ESYT3: variants seen among roughly 807,000 people sequenced by gnomAD.
The protein encoded by ESYT3 is extended synaptotagmin 3.
ESYT3 carries 101 observed loss-of-function variants against 111.5 expected under a neutral mutation model. The observed-to-expected ratio is 0.91, with a 90% CI of 0.77 to 1.07. The LOEUF is 1.07. Among genes scored for constraint, ESYT3 ranks in the 50% least tolerant of loss-of-function variants. The pLI, the probability that ESYT3 is intolerant of heterozygous loss-of-function variation, is 0.00. For synonymous variants in ESYT3, 416 were observed against 446.8 expected (o/e 0.93, Z 0.87); for missense variants, 1,097 against 1,109.4 (o/e 0.99, Z 0.16).
At chr3:138,455,081 G>A in intron 2 of ESYT3, 113 bp from the exon 3 acceptor site, 2 of 1,272,118 alleles carry the variant, frequency 1.6e-6, no homozygotes, top group Non-Finnish European at 2.2e-6. Flanking sequence ...TGCAGCATAG[G>A]AACCCCCACC....
chr3:138,442,737 C>G (rs2031248297), intron 1 of ESYT3, among the ~76,000 whole-genome samples: 1 of 152,180 alleles, frequency 6.6e-6, no homozygotes, highest in South Asian at 2.1e-4. Context: ...AGCTCAGTGC[C>G]CAGTTCATAG....
chr3:138,454,620 C>T (rs2032156671), intron 2 of ESYT3, among the ~76,000 whole-genome samples: 1 of 152,164 alleles, frequency 6.6e-6, no homozygotes, highest in Non-Finnish European at 1.5e-5. Context: ...CTGGCTGGCC[C>T]GCCCTCCATT....
intron 1 of ESYT3, among the ~76,000 whole-genome samples, chr3:138,437,192 C>T (rs1042131033): frequency 4.6e-5 from 7 of 152,194 alleles, no homozygotes; most frequent in Non-Finnish European, 7.3e-5. Flanking sequence ...GGGACAGATG[C>T]ATAACAGGTC....
In ESYT3 at chr3:138,455,254, C is replaced by G; in HGVS notation, c.430C>G (p.Leu144Val). The G allele has an allele frequency of 1.2e-6, 2 of 1,614,182 alleles. No homozygotes were observed. ...CATGGAAAGCAAGTTCCGGGAGAAA[C>G]TTGAGCCCAAGATCCGAGAGAAGAG... is the stretch of plus-strand genomic sequence containing the variant. ...MIMESKFREK[L>V]EPKIREKSIH... Residue 144 changes from leucine (L) to valine (V), a missense_variant, in exon 3 of 23, where the codon CTT becomes GTT. Coordinates refer to ENST00000389567, the MANE Select transcript of ESYT3 (RefSeq NM_031913.5).
chr3:138,465,047 C>T (rs375672398), intron 9 of ESYT3, among the ~76,000 whole-genome samples: 15 of 152,222 alleles, frequency 9.9e-5, no homozygotes, highest in Non-Finnish European at 4.4e-5. Flanking sequence ...TGTAGACTCA[C>T]GGAGGGGCCA....
At chr3:138,473,094 G>T in intron 18 of ESYT3, 1 of 1,400,540 alleles carries the variant, frequency 7.1e-7, no homozygotes, top group South Asian at 1.7e-5. Flanking sequence ...ACTCTGGTTG[G>T]TAAGGTCCCT....
chr3:138,457,798 C>G (rs908096414), intron 4 of ESYT3, among the ~76,000 whole-genome samples, 154 bp downstream of exon 4: 3 of 152,138 alleles, frequency 2.0e-5, no homozygotes, highest in Admixed American at 6.5e-5. Flanking sequence ...CATCCCCTGG[C>G]ATACTCTGGG....
chr3:138,476,697 TA>T (rs1161648397), intron 22 of ESYT3, 120 bp from the exon 23 acceptor site: 7 of 1,161,790 alleles, frequency 6.0e-6, no homozygotes, highest in Non-Finnish European at 7.6e-6. Context: ...CTGGCCAACT[TA>T]CAGAGAGACA....
Position 138,470,333 on chromosome 3 carries a change from A to G in ESYT3, c.1590+187A>G, listed in dbSNP as rs2033155565. On this transcript the variant is annotated intron_variant, in intron 16 of 22. Coordinates refer to ENST00000389567, the MANE Select transcript of ESYT3 (RefSeq NM_031913.5). ...TAAGGCTAGTGCCTGAGGTCACTGT[A>G]TAGGGGGATGTGGGAGGATAAATCC... 4 of 1,307,292 alleles carry G rather than the reference A, an allele frequency of 3.1e-6. No individual in the cohort carries two copies. In the South Asian group the frequency reaches 5.4e-5, roughly 18 times the overall value. The allele number at this position is 1,307,292 out of a possible 1,614,324, so 81.0% of individuals were successfully genotyped here.
At chr3:138,459,092 G>A (rs2032466170) in intron 4 of ESYT3, 95 bp from the exon 5 acceptor site, 2 of 987,230 alleles carry the variant, frequency 2.0e-6, no homozygotes, top group Non-Finnish European at 3.0e-6. Context: ...GGCTGCCTGG[G>A]CTCCGGCTGT....
intron 22 of ESYT3, 36 bp downstream of exon 22, chr3:138,476,528 G>A: frequency 6.2e-7 from 1 of 1,602,236 alleles, no homozygotes; most frequent in Non-Finnish European, 8.5e-7. Context: ...CTGTTATCCT[G>A]CTATTCAAGA....
chr3:138,461,271 G>A (rs998351469), intron 7 of ESYT3, among the ~76,000 whole-genome samples: 3 of 152,208 alleles, frequency 2.0e-5, no homozygotes, highest in African/African-American at 7.2e-5. Context: ...TCCCCTGACC[G>A]TGGTCACAAA....
At position 138,468,639 on chromosome 3, in the gene ESYT3, C is replaced by T. The variant is rs1560238990; in HGVS notation, c.1309-16C>T. 2 of 1,613,878 alleles carry T rather than the reference C, an allele frequency of 1.2e-6. No individual in the cohort carries two copies. The highest frequency in any genetic ancestry group is 1.7e-6 in the Non-Finnish European group (2 of 1,179,830). Reference sequence around the variant, plus strand: ...GCTGCTGGGAGTACCCAGTGAGGGTCTGTGTCTGTTTGCAGGACCATGGTG... The same window carrying T: ...GCTGCTGGGAGTACCCAGTGAGGGTTTGTGTCTGTTTGCAGGACCATGGTG... On this transcript the variant is annotated splice_polypyrimidine_tract_variant and intron_variant, in intron 12 of 22. Transcript: ENST00000389567.
In ESYT3 at chr3:138,477,805, C is replaced by CTCCAACATTCCTGGACCTCCTCT. The variant is rs2033555727; in HGVS notation, c.*954_*976dup. The CTCCAACATTCCTGGACCTCCTCT allele has an allele frequency of 6.6e-6, 1 of 152,214 alleles. No homozygotes were observed. The highest frequency in any genetic ancestry group is 2.4e-5 in the African/African-American group (1 of 41,444). 9.4% of individuals were successfully genotyped at this position (152,214 alleles called of 1,614,324 possible). On this transcript the variant is annotated 3_prime_UTR_variant, in exon 23 of 23. Coordinates refer to ENST00000389567, the MANE Select transcript of ESYT3 (RefSeq NM_031913.5). ...CAAGACCAAATATACTTCTCATCCC[C>CTCCAACATTCCTGGACCTCCTCT]TCCAACATTCCTGGACCTCCTCTTC... is the stretch of plus-strand genomic sequence containing the variant.
At chr3:138,460,118 C>A in intron 6 of ESYT3, 84 bp downstream of exon 6, 1 of 1,194,326 alleles carries the variant, frequency 8.4e-7, no homozygotes, top group Non-Finnish European at 1.2e-6. Context: ...GGTTTGAGTC[C>A]AAGAATGGAC....
At chr3:138,459,870 T>G in intron 5 of ESYT3, 75 bp from the exon 6 acceptor site, 1 of 1,308,004 alleles carries the variant, frequency 7.6e-7, no homozygotes, top group South Asian at 1.3e-5. Context: ...AGGCAGCAGA[T>G]GGCCTCAGCT....
intron 15 of ESYT3, 141 bp downstream of exon 15, chr3:138,469,645 C>T (rs546736309): frequency 1.2e-5 from 8 of 644,296 alleles, no homozygotes; most frequent in Non-Finnish European, 2.2e-5. Flanking sequence ...AGAATAACCT[C>T]ACAAAATAGT....
Position 138,477,174 on chromosome 3 carries a change from G to C in ESYT3, c.*320G>C. 4.2e-6 allele frequency: 1 copy of C among 236,566 alleles called. No individual in the cohort carries two copies. The highest frequency in any genetic ancestry group is 8.3e-6 in the Non-Finnish European group (1 of 121,084). 14.7% of individuals were successfully genotyped at this position (236,566 alleles called of 1,614,324 possible). ...CTTAAACAAGTGCCACTTTTTAGTA[G>C]GTAATTATATACCATCTGATTTAGG... On this transcript the variant is annotated 3_prime_UTR_variant, in exon 23 of 23. Coordinates refer to ENST00000389567, the MANE Select transcript of ESYT3 (RefSeq NM_031913.5).
chr3:138,447,827 C>T (rs1333613180), intron 1 of ESYT3, among the ~76,000 whole-genome samples: 1 of 151,176 alleles, frequency 6.6e-6, no homozygotes, highest in Non-Finnish European at 1.5e-5. Context: ...CGTGTCAGCC[C>T]ACAAGTTAAC....
Sources: gnomAD v4.1 joint callset for allele counts (sites outside exome capture counted in the v4.1 genomes callset) on GRCh38, gnomAD v4.1.1 for gene constraint, MANE v1.5 for transcripts, NCBI Gene and HGNC (gene_info 2026-07-23, HGNC 2026-07-21) for gene names.